The following CRPPA variants were observed in gnomAD, a reference collection of about 807,000 sequenced individuals.
The protein encoded by CRPPA is CDP-L-ribitol pyrophosphorylase A, also known as D-ribitol-5-phosphate cytidylyltransferase.
CRPPA carries 43 observed loss-of-function variants against 52.0 expected under a neutral mutation model. That is an observed-to-expected ratio of 0.83 (90% confidence interval 0.65 to 1.07). The LOEUF (loss-of-function observed/expected upper bound fraction) is 1.07. Among genes scored for constraint, CRPPA ranks in the 50% least tolerant of loss-of-function variants. The pLI, the probability that CRPPA is intolerant of heterozygous loss-of-function variation, is 0.00. For synonymous variants in CRPPA, 250 were observed against 203.5 expected, an observed-to-expected ratio of 1.23 and a Z score of -1.94; for missense variants, 629 against 551.7, an observed-to-expected ratio of 1.14 and a Z score of -1.40.
chr7:16,332,683 CAA>C (rs1437775013), intron 3 of CRPPA, among the ~76,000 whole-genome samples: 4 of 151,922 alleles, frequency 2.6e-5, no homozygotes, highest in African/African-American at 9.7e-5. Flanking sequence ...ACACAAGTCA[CAA>C]AATGTTCAAT....
rs1340491380 is a variant in CRPPA, at chr7:16,342,769, A to C, written c.684+33323T>G. Among the ~76,000 whole-genome samples the C allele has an allele frequency of 1.2e-3, 32 of 26,514 alleles. 2 individuals are homozygous for C. The highest frequency in any genetic ancestry group is 3.4e-3 in the African/African-American group (31 of 9,132). The allele number at this position is 26,514 out of a possible 152,430, so 17.4% of individuals were successfully genotyped here. ...AGGATGAACCCTGTCTCCACAAAAAAAAAAAAAAAAAAAATATATATATAT... is the reference window on the plus strand; with the variant it reads ...AGGATGAACCCTGTCTCCACAAAAACAAAAAAAAAAAAAATATATATATAT... On this transcript the variant is annotated intron_variant, in intron 3 of 9. Transcript: ENST00000407010.
intron 5 of CRPPA, among the ~76,000 whole-genome samples, chr7:16,298,479 C>T (rs1018582540): frequency 1.2e-4 from 19 of 152,176 alleles, no homozygotes; most frequent in African/African-American, 4.3e-4. Context: ...TATAATACAA[C>T]ATCAAGTTCT....
At chr7:16,359,794 A>T (rs1411498577) in intron 3 of CRPPA, among the ~76,000 whole-genome samples, 1 of 152,078 alleles carries the variant, frequency 6.6e-6, no homozygotes, top group Non-Finnish European at 1.5e-5. Flanking sequence ...CTAGTATTTT[A>T]TTCTCCACTT....
chr7:16,401,341 A>T (rs1562684953), intron 2 of CRPPA, among the ~76,000 whole-genome samples: 1 of 152,144 alleles, frequency 6.6e-6, no homozygotes, highest in Non-Finnish European at 1.5e-5. Context: ...TTAATATGGG[A>T]ATTAGGTAGT....
chr7:16,361,534 C>CA (rs1417026870), intron 3 of CRPPA, among the ~76,000 whole-genome samples: 1 of 152,102 alleles, frequency 6.6e-6, no homozygotes, highest in African/African-American at 2.4e-5. Context: ...TCAGCCAGCC[C>CA]AAAAATGGAA....
At chr7:16,247,668 C>A (rs1251225741) in intron 8 of CRPPA, among the ~76,000 whole-genome samples, 1 of 151,982 alleles carries the variant, frequency 6.6e-6, no homozygotes, top group African/African-American at 2.4e-5. Flanking sequence ...AATAGACTTG[C>A]CAGACACAGG....
intron 9 of CRPPA, among the ~76,000 whole-genome samples, chr7:16,164,441 C>A (rs918499275): frequency 6.6e-6 from 1 of 152,128 alleles, no homozygotes. Context: ...AGCTTCCTTG[C>A]GTTGAGTTAG....
At chr7:16,235,730 G>A (rs1287284405) in intron 8 of CRPPA, among the ~76,000 whole-genome samples, 1 of 152,024 alleles carries the variant, frequency 6.6e-6, no homozygotes, top group African/African-American at 2.4e-5. Flanking sequence ...TAAAATGAGA[G>A]CATTCTACTA....
At chr7:16,197,279 T>C (rs996394216) in intron 9 of CRPPA, among the ~76,000 whole-genome samples, 14 of 152,176 alleles carry the variant, frequency 9.2e-5, no homozygotes, top group African/African-American at 3.4e-4. Flanking sequence ...GAATACACTT[T>C]CTCAAAAAAT....
intron 3 of CRPPA, among the ~76,000 whole-genome samples, chr7:16,341,423 T>C (rs1785825377): frequency 6.6e-6 from 1 of 152,144 alleles, no homozygotes. Flanking sequence ...AAAAAAGTCT[T>C]TAAAAAATAA....
chr7:16,179,517 G>C (rs1781369955), intron 9 of CRPPA, among the ~76,000 whole-genome samples: 2 of 152,024 alleles, frequency 1.3e-5, no homozygotes, highest in Admixed American at 1.3e-4. Context: ...GTGTAACAAT[G>C]GAGGCAGAGA....
chr7:16,154,772 CAAAGTTTG>C (rs1376762307), intron 9 of CRPPA, among the ~76,000 whole-genome samples: 12 of 149,410 alleles, frequency 8.0e-5, no homozygotes, highest in Non-Finnish European at 1.6e-4. Flanking sequence ...ATTCAATCTT[CAAAGTTTG>C]ACAAATATCG....
chr7:16,280,839 G>C (rs1402978015), intron 5 of CRPPA, among the ~76,000 whole-genome samples: 1 of 152,132 alleles, frequency 6.6e-6, no homozygotes. Flanking sequence ...GGGCAACATG[G>C]TGAAACCCCA....
chr7:16,248,798 C>T (rs747959016), intron 8 of CRPPA, among the ~76,000 whole-genome samples: 22 of 152,220 alleles, frequency 1.4e-4, no homozygotes, highest in Non-Finnish European at 2.2e-4. Flanking sequence ...CAGGGGATTT[C>T]CCTTTCCTAG....
chr7:16,089,634 T>C lies in CRPPA; in HGVS notation c.*2061A>G, dbSNP rs1781794398. The C allele has an allele frequency of 4.9e-6, 1 of 202,674 alleles. No individual in the cohort carries two copies. The highest frequency in any genetic ancestry group is 1.1e-5 in the Non-Finnish European group (1 of 92,882). 12.6% of individuals were successfully genotyped at this position (202,674 alleles called of 1,614,324 possible). ...ATACATACATGTATATGTATGTATGTATTTTTTTTTCCCAATGCTGTGAAT... is the reference window on the plus strand; with the variant it reads ...ATACATACATGTATATGTATGTATGCATTTTTTTTTCCCAATGCTGTGAAT... On this transcript the variant is annotated 3_prime_UTR_variant, in exon 10 of 10. Coordinates refer to ENST00000407010, the MANE Select transcript of CRPPA (RefSeq NM_001101426.4).
intron 2 of CRPPA, among the ~76,000 whole-genome samples, chr7:16,389,004 C>A (rs1356867226): frequency 2.0e-5 from 3 of 152,026 alleles, no homozygotes; most frequent in Non-Finnish European, 4.4e-5. Context: ...TATATTCCAG[C>A]AAATTAGAAA....
chr7:16,153,988 A>C (rs1783125492), intron 9 of CRPPA, among the ~76,000 whole-genome samples: 2 of 151,390 alleles, frequency 1.3e-5, no homozygotes, highest in Admixed American at 6.6e-5. Context: ...ATTAGAAACA[A>C]GTGTATCAGG....
At chr7:16,181,199 A>G (rs1781406357) in intron 9 of CRPPA, among the ~76,000 whole-genome samples, 1 of 151,940 alleles carries the variant, frequency 6.6e-6, no homozygotes, top group Non-Finnish European at 1.5e-5. Context: ...TTTATTTTAT[A>G]TGTACCACTG....
At chr7:16,154,510 A>G (rs1386756534) in intron 9 of CRPPA, among the ~76,000 whole-genome samples, 1 of 152,196 alleles carries the variant, frequency 6.6e-6, no homozygotes, top group Non-Finnish European at 1.5e-5. Flanking sequence ...AGAGAAGAGT[A>G]TATCATATAT....
Sources: gnomAD v4.1 joint callset for allele counts (sites outside exome capture counted in the v4.1 genomes callset) on GRCh38, gnomAD v4.1.1 for gene constraint, MANE v1.5 for transcripts, NCBI Gene and HGNC (gene_info 2026-07-23, HGNC 2026-07-21) for gene names.